The following ABCD3 variants were observed in gnomAD, a reference collection of about 807,000 sequenced individuals.
ABCD3 encodes the protein ATP binding cassette subfamily D member 3, also known as ATP-binding cassette sub-family D member 3.
ABCD3 carries 41 observed loss-of-function variants against 105.5 expected under a neutral mutation model. That is an observed-to-expected ratio of 0.39 (90% CI 0.30 to 0.50). ABCD3 has a LOEUF of 0.50. Among genes scored for constraint, ABCD3 ranks in the 20% least tolerant of loss-of-function variants. ABCD3 has a pLI of 0.84. For synonymous variants in ABCD3, 258 were observed against 269.0 expected (o/e 0.96, Z 0.40); for missense variants, 622 against 806.3 (o/e 0.77, Z 2.77).
chr1:94,387,003 T>A, the ABCD3 span, among the ~76,000 whole-genome samples: 1 of 152,260 alleles, frequency 6.6e-6, no homozygotes, highest in Non-Finnish European at 1.5e-5. Context: ...AGTTTAACTA[T>A]CTCCTTGATT....
At chr1:94,467,638 G>A (rs1648215004) in intron 3 of ABCD3, among the ~76,000 whole-genome samples, 1 of 152,136 alleles carries the variant, frequency 6.6e-6, no homozygotes, top group Non-Finnish European at 1.5e-5. Flanking sequence ...TTCTGTCCTT[G>A]ACTAGGTATA....
chr1:94,442,257 G>A (rs1000457584), intron 1 of ABCD3, among the ~76,000 whole-genome samples: 2 of 152,086 alleles, frequency 1.3e-5, no homozygotes, highest in East Asian at 1.9e-4. Flanking sequence ...GCTATAAGCC[G>A]TTTTCCCAGA....
At chr1:94,388,524 A>G in the ABCD3 span, among the ~76,000 whole-genome samples, 3 of 152,330 alleles carry the variant, frequency 2.0e-5, no homozygotes, top group South Asian at 6.2e-4. Flanking sequence ...ATTTTTCCTA[A>G]TAGCTCCAAA....
intron 17 of ABCD3, 22 bp downstream of exon 17, chr1:94,498,701 A>C: frequency 6.2e-7 from 1 of 1,613,720 alleles, no homozygotes; most frequent in Non-Finnish European, 8.5e-7. Context: ...TTGGCCTCAA[A>C]ATTTTGCAGT....
intron 4 of ABCD3, among the ~76,000 whole-genome samples, chr1:94,470,608 A>G (rs538764383): frequency 1.3e-5 from 2 of 151,436 alleles, no homozygotes; most frequent in South Asian, 4.2e-4. Context: ...CACTAGGTGA[A>G]CTCTTTTTCC....
chr1:94,455,750 G>A, intron 1 of ABCD3: 1 of 977,216 alleles, frequency 1.0e-6, no homozygotes, highest in Non-Finnish European at 1.4e-6. Context: ...ATGGAAACTT[G>A]GAGAGAGAAA....
the ABCD3 span, among the ~76,000 whole-genome samples, chr1:94,393,595 T>C: frequency 6.6e-6 from 1 of 151,818 alleles, no homozygotes; most frequent in Non-Finnish European, 1.5e-5. Context: ...GCTGAGATCA[T>C]GCCACTGCAC....
intron 1 of ABCD3, among the ~76,000 whole-genome samples, chr1:94,437,967 A>G (rs369090565): frequency 2.4e-4 from 36 of 152,252 alleles, no homozygotes; most frequent in African/African-American, 8.7e-4. Context: ...CTGAAGATAC[A>G]ACAGAATTGC....
intron 1 of ABCD3, among the ~76,000 whole-genome samples, chr1:94,456,678 C>G (rs1237491611): frequency 6.6e-6 from 1 of 151,552 alleles, no homozygotes; most frequent in Non-Finnish European, 1.5e-5. Context: ...TTCCATATCT[C>G]TTACTGTTAT....
the ABCD3 span, among the ~76,000 whole-genome samples, chr1:94,391,227 C>T: frequency 6.6e-6 from 1 of 152,188 alleles, no homozygotes; most frequent in Non-Finnish European, 1.5e-5. Flanking sequence ...TGTTTCTGTT[C>T]ACCAGCTCTT....
At chr1:94,412,458 A>C in the ABCD3 span, among the ~76,000 whole-genome samples, 5 of 152,288 alleles carry the variant, frequency 3.3e-5, no homozygotes, top group African/African-American at 1.2e-4. Flanking sequence ...AAATCATATC[A>C]GTTCATATAA....
intron 1 of ABCD3, among the ~76,000 whole-genome samples, chr1:94,430,023 T>G (rs1179410850): frequency 6.6e-6 from 1 of 152,214 alleles, no homozygotes; most frequent in Non-Finnish European, 1.5e-5. Context: ...CCCAAGACCA[T>G]GGGAACCCAC....
At chr1:94,457,769 T>G (rs1370546235) in intron 1 of ABCD3, among the ~76,000 whole-genome samples, 1 of 152,180 alleles carries the variant, frequency 6.6e-6, no homozygotes, top group Non-Finnish European at 1.5e-5. Flanking sequence ...GAAGTTATTT[T>G]GGGCTTGCAT....
At chr1:94,441,253 C>A (rs890445525) in intron 1 of ABCD3, among the ~76,000 whole-genome samples, 2 of 152,064 alleles carry the variant, frequency 1.3e-5, no homozygotes, top group Non-Finnish European at 1.5e-5. Flanking sequence ...GATTCTTAAA[C>A]ATGTGATTAA....
chr1:94,514,651 A>G (rs1650844810), intron 21 of ABCD3: 1 of 155,042 alleles, frequency 6.4e-6, no homozygotes, highest in Non-Finnish European at 1.4e-5. Context: ...TTATGTGTTT[A>G]ATTATAAAAT....
the ABCD3 span, among the ~76,000 whole-genome samples, chr1:94,391,885 T>C: frequency 6.6e-5 from 10 of 152,202 alleles, no homozygotes; most frequent in Admixed American, 1.3e-4. Context: ...AAGACTTGGC[T>C]CACAACCAGC....
the ABCD3 span, among the ~76,000 whole-genome samples, chr1:94,397,399 A>G: frequency 2.0e-4 from 31 of 152,178 alleles, no homozygotes; most frequent in African/African-American, 7.5e-4. Context: ...CCAATCTGTG[A>G]TGGTTTCTCA....
At chr1:94,464,635 G>A in intron 2 of ABCD3, 140 bp from the exon 3 acceptor site, 2 of 745,430 alleles carry the variant, frequency 2.7e-6, no homozygotes, top group Admixed American at 2.3e-5. Context: ...GAGGAGCAGT[G>A]TAAGTATGCA....
intron 21 of ABCD3, among the ~76,000 whole-genome samples, chr1:94,509,435 G>A (rs1031276927): frequency 6.6e-6 from 1 of 152,124 alleles, no homozygotes; most frequent in African/African-American, 2.4e-5. Context: ...CAAGGATATT[G>A]GTCTAAAATT....
Sources: gnomAD v4.1 joint callset for allele counts (sites outside exome capture counted in the v4.1 genomes callset) on GRCh38, gnomAD v4.1.1 for gene constraint, MANE v1.5 for transcripts, NCBI Gene and HGNC (gene_info 2026-07-23, HGNC 2026-07-21) for gene names.